Variants in RAPGEF4 observed in about 807,000 individuals in gnomAD.
The protein encoded by RAPGEF4 is Rap guanine nucleotide exchange factor 4.
RAPGEF4 carries 66 observed loss-of-function variants against 147.9 expected under a neutral mutation model. The observed-to-expected ratio is 0.45, with a 90% CI of 0.37 to 0.55. RAPGEF4 has a LOEUF of 0.55. Ranked by LOEUF, RAPGEF4 falls within the 20% of genes least tolerant of loss-of-function variation. The pLI is 0.00. For synonymous variants in RAPGEF4, 419 were observed against 442.7 expected, an observed-to-expected ratio of 0.95 and a Z score of 0.67; for missense variants, 1,071 against 1,257.3, an observed-to-expected ratio of 0.85 and a Z score of 2.24.
intron 7 of RAPGEF4, 61 bp from the exon 8 acceptor site, chr2:172,961,061 T>C: frequency 3.1e-6 from 4 of 1,284,336 alleles, no homozygotes; most frequent in Non-Finnish European, 4.5e-6. Context: ...ATTTGTTTGG[T>C]TTGTTTTCCT....
intron 4 of RAPGEF4, among the ~76,000 whole-genome samples, chr2:172,839,595 T>A (rs746871380): frequency 3.6e-4 from 55 of 151,942 alleles, no homozygotes; most frequent in Non-Finnish European, 1.9e-4. Context: ...CAACAAGGCC[T>A]TTATGACCTG....
At chr2:172,948,956 T>A (rs1049820200) in intron 6 of RAPGEF4, among the ~76,000 whole-genome samples, 1 of 152,216 alleles carries the variant, frequency 6.6e-6, no homozygotes, top group Admixed American at 6.5e-5. Context: ...AACTTAAAAG[T>A]TTTTAAAAAG....
intron 10 of RAPGEF4, among the ~76,000 whole-genome samples, chr2:172,978,204 C>A (rs77712560): frequency 6.8e-4 from 100 of 147,416 alleles, no homozygotes; most frequent in Admixed American, 1.3e-3. Context: ...TCACACCCCC[C>A]CCAGAGCTTC....
At chr2:172,913,228 G>T (rs12474017) in intron 4 of RAPGEF4, among the ~76,000 whole-genome samples, 1 of 151,960 alleles carries the variant, frequency 6.6e-6, no homozygotes, top group Admixed American at 6.6e-5. Context: ...TCAAATCTCC[G>T]CCAGCCCCAT....
intron 4 of RAPGEF4, among the ~76,000 whole-genome samples, chr2:172,873,526 A>G (rs137980522): frequency 3.1e-4 from 47 of 152,304 alleles, no homozygotes; most frequent in African/African-American, 1.0e-3. Flanking sequence ...ACAATAACTC[A>G]TAATCATTTA....
chr2:172,972,146 C>T (rs1203846716), intron 10 of RAPGEF4, among the ~76,000 whole-genome samples: 1 of 152,156 alleles, frequency 6.6e-6, no homozygotes, highest in East Asian at 1.9e-4. Flanking sequence ...GCAAGGCTGT[C>T]CTGCAGAGGC....
intron 8 of RAPGEF4, 177 bp from the exon 9 acceptor site, chr2:172,965,385 G>T: frequency 4.2e-6 from 3 of 707,926 alleles, no homozygotes; most frequent in Non-Finnish European, 7.2e-6. Flanking sequence ...GGCTTTTTTG[G>T]CTTGTATTAG....
intron 10 of RAPGEF4, among the ~76,000 whole-genome samples, chr2:172,981,897 A>G (rs1398705483): frequency 6.6e-6 from 1 of 152,238 alleles, no homozygotes; most frequent in African/African-American, 2.4e-5. Flanking sequence ...AGCAGACCAA[A>G]TGTCATAGTT....
intron 3 of RAPGEF4, among the ~76,000 whole-genome samples, chr2:172,810,847 A>G (rs2149593686): frequency 6.6e-6 from 1 of 152,352 alleles, no homozygotes; most frequent in South Asian, 2.1e-4. Flanking sequence ...AGTGCAATTT[A>G]GGACCCACGG....
At chr2:173,030,291 T>G in intron 26 of RAPGEF4, 37 bp downstream of exon 26, 1 of 1,519,158 alleles carries the variant, frequency 6.6e-7, no homozygotes, top group Non-Finnish European at 9.1e-7. Context: ...GACTTTTGCC[T>G]TAGGAATAAA....
At chr2:173,023,897 GGGAA>G (rs1253891184) in intron 23 of RAPGEF4, among the ~76,000 whole-genome samples, 1 of 152,204 alleles carries the variant, frequency 6.6e-6, no homozygotes, top group Non-Finnish European at 1.5e-5. Flanking sequence ...AGCTGCAAGA[GGGAA>G]GGAAGAACGT....
At chr2:172,826,369 A>G (rs1036480533) in intron 4 of RAPGEF4, among the ~76,000 whole-genome samples, 68 of 152,352 alleles carry the variant, frequency 4.5e-4, no homozygotes, top group African/African-American at 1.5e-3. Context: ...GTTTTAATGA[A>G]ACAGTTTTTC....
intron 4 of RAPGEF4, among the ~76,000 whole-genome samples, chr2:172,915,712 A>G (rs983753672): frequency 6.6e-6 from 1 of 151,648 alleles, no homozygotes; most frequent in African/African-American, 2.4e-5. Flanking sequence ...TCAAAAAAAA[A>G]AAAAAAAAGA....
chr2:173,021,136 T>G (rs1696045950), intron 23 of RAPGEF4, among the ~76,000 whole-genome samples: 1 of 152,210 alleles, frequency 6.6e-6, no homozygotes, highest in South Asian at 2.1e-4. Context: ...AAGCACTTTC[T>G]CTACCTTATG....
At chr2:172,855,368 A>G (rs1204593934) in intron 4 of RAPGEF4, among the ~76,000 whole-genome samples, 1 of 152,180 alleles carries the variant, frequency 6.6e-6, no homozygotes, top group Non-Finnish European at 1.5e-5. Context: ...TGTTGATGAT[A>G]TTATACCTAT....
At chr2:172,815,849 C>A (rs1473079627) in intron 4 of RAPGEF4, among the ~76,000 whole-genome samples, 1 of 152,084 alleles carries the variant, frequency 6.6e-6, no homozygotes, top group African/African-American at 2.4e-5. Flanking sequence ...TACCTGTGAA[C>A]ATTAAAACAA....
intron 4 of RAPGEF4, among the ~76,000 whole-genome samples, chr2:172,838,805 C>T (rs1310091917): frequency 6.6e-6 from 1 of 152,048 alleles, no homozygotes; most frequent in Non-Finnish European, 1.5e-5. Context: ...ACACCAAACA[C>T]AGTCACAGGG....
intron 10 of RAPGEF4, among the ~76,000 whole-genome samples, chr2:172,970,182 C>CCTT (rs1553539506): frequency 4.3e-5 from 6 of 140,062 alleles, no homozygotes; most frequent in African/African-American, 1.3e-4. Flanking sequence ...CACACACACC[C>CCTT]TTTTTTTTTT....
chr2:172,893,130 A>G (rs1698113941), intron 4 of RAPGEF4, among the ~76,000 whole-genome samples: 1 of 152,252 alleles, frequency 6.6e-6, no homozygotes, highest in Non-Finnish European at 1.5e-5. Context: ...AAGAGAAACG[A>G]TGCTAGAAAT....
Sources: gnomAD v4.1 joint callset for allele counts (sites outside exome capture counted in the v4.1 genomes callset) on GRCh38, gnomAD v4.1.1 for gene constraint, MANE v1.5 for transcripts, NCBI Gene and HGNC (gene_info 2026-07-23, HGNC 2026-07-21) for gene names.